The following RAB38 variants were observed in gnomAD, a reference collection of about 807,000 sequenced individuals.
RAB38 encodes RAB38, member RAS oncogene family.
RAB38 carries 15 observed loss-of-function variants against 18.4 expected under a neutral mutation model. The ratio of observed to expected loss-of-function variants is 0.82; its 90% confidence interval spans 0.55 to 1.26. RAB38 has a LOEUF of 1.26. RAB38 is among the 50% of genes most tolerant of loss of function. The pLI, the probability that RAB38 is intolerant of heterozygous loss-of-function variation, is 0.00. For missense variants in RAB38, 294 were observed against 267.4 expected, an observed-to-expected ratio of 1.10 and a Z score of -0.69; for synonymous variants, 101 against 104.4, an observed-to-expected ratio of 0.97 and a Z score of 0.20.
the RAB38 span, among the ~76,000 whole-genome samples, chr11:87,977,557 T>G: frequency 8.5e-6 from 1 of 118,312 alleles, no homozygotes; most frequent in African/African-American, 3.4e-5. Flanking sequence ...ATAATATAAT[T>G]ATATAATATA....
At chr11:87,827,740 G>C in the RAB38 span, among the ~76,000 whole-genome samples, 6 of 152,128 alleles carry the variant, frequency 3.9e-5, no homozygotes, top group Admixed American at 1.3e-4. Flanking sequence ...GAATTACATG[G>C]AGAACTTCAG....
At chr11:88,040,695 C>A in the RAB38 span, among the ~76,000 whole-genome samples, 1 of 150,208 alleles carries the variant, frequency 6.7e-6, no homozygotes, top group Non-Finnish European at 1.5e-5. Flanking sequence ...AGAGGGAGAC[C>A]CTGTCTCAAA....
chr11:87,831,557 A>G, the RAB38 span, among the ~76,000 whole-genome samples: 1 of 152,314 alleles, frequency 6.6e-6, no homozygotes, highest in Non-Finnish European at 1.5e-5. Flanking sequence ...AGCAAAGCCC[A>G]AAGGTAACAG....
downstream of RAB38, among the ~76,000 whole-genome samples, chr11:88,112,359 G>A (rs1942484688): frequency 2.6e-5 from 4 of 152,190 alleles, no homozygotes; most frequent in African/African-American, 9.7e-5. Context: ...ACTTCCTACT[G>A]AGGCAGGGCT....
chr11:88,151,641 G>T (rs550579454), intron 1 of RAB38, among the ~76,000 whole-genome samples: 1 of 152,262 alleles, frequency 6.6e-6, no homozygotes, highest in East Asian at 1.9e-4. Flanking sequence ...ATGTATCTAG[G>T]AAAATATAGG....
chr11:87,831,868 G>A, the RAB38 span, among the ~76,000 whole-genome samples: 3 of 152,174 alleles, frequency 2.0e-5, no homozygotes, highest in Non-Finnish European at 4.4e-5. Flanking sequence ...TAGATTCAGT[G>A]AGGCTCATTA....
At chr11:87,826,853 G>A in the RAB38 span, among the ~76,000 whole-genome samples, 3 of 152,030 alleles carry the variant, frequency 2.0e-5, no homozygotes, top group African/African-American at 7.2e-5. Context: ...CCAAGGCCTG[G>A]GTCATTAACC....
At chr11:87,959,042 A>C in the RAB38 span, among the ~76,000 whole-genome samples, 1 of 152,160 alleles carries the variant, frequency 6.6e-6, no homozygotes, top group Non-Finnish European at 1.5e-5. Flanking sequence ...GCTGTGCTTT[A>C]GGCTGTTGGC....
chr11:87,806,401 G>C, the RAB38 span, among the ~76,000 whole-genome samples: 1 of 152,030 alleles, frequency 6.6e-6, no homozygotes, highest in Non-Finnish European at 1.5e-5. Context: ...AGAGCTCCCT[G>C]AGGTCTCTTT....
chr11:88,124,667 C>T (rs1198397566), intron 2 of RAB38, among the ~76,000 whole-genome samples: 2 of 152,168 alleles, frequency 1.3e-5, no homozygotes, highest in Non-Finnish European at 2.9e-5. Context: ...CATTCTTAGC[C>T]TGCGCAACCT....
chr11:87,849,462 G>A, the RAB38 span, among the ~76,000 whole-genome samples: 1 of 152,126 alleles, frequency 6.6e-6, no homozygotes, highest in African/African-American at 2.4e-5. Flanking sequence ...AGAGCTTTTG[G>A]TGGGTATCTT....
At chr11:88,029,093 G>A in the RAB38 span, among the ~76,000 whole-genome samples, 2 of 151,900 alleles carry the variant, frequency 1.3e-5, no homozygotes, top group African/African-American at 4.8e-5. Context: ...TTAAAGAAAA[G>A]AATTTTCAAC....
chr11:88,161,687 G>T (rs1038933353), intron 1 of RAB38, among the ~76,000 whole-genome samples: 1 of 152,054 alleles, frequency 6.6e-6, no homozygotes, highest in Non-Finnish European at 1.5e-5. Flanking sequence ...GCATACTGAT[G>T]AACTTACTCT....
the RAB38 span, among the ~76,000 whole-genome samples, chr11:87,941,600 C>T: frequency 6.6e-6 from 1 of 151,968 alleles, no homozygotes. Context: ...CCAGAAAATA[C>T]TCAGCAAGTA....
the RAB38 span, among the ~76,000 whole-genome samples, chr11:87,875,128 A>G: frequency 2.0e-5 from 3 of 151,684 alleles, no homozygotes; most frequent in East Asian, 3.9e-4. Context: ...TCTAGTCAAT[A>G]ATAATGTATA....
chr11:87,804,394 A>G, the RAB38 span, among the ~76,000 whole-genome samples: 1 of 152,068 alleles, frequency 6.6e-6, no homozygotes, highest in African/African-American at 2.4e-5. Context: ...GCCTGCATAC[A>G]CTGACACCTG....
At chr11:87,811,895 G>A in the RAB38 span, among the ~76,000 whole-genome samples, 1 of 152,204 alleles carries the variant, frequency 6.6e-6, no homozygotes, top group Admixed American at 6.5e-5. Flanking sequence ...AAAATGAAAT[G>A]TGTACAATTT....
chr11:88,110,299 A>G (rs901699116), downstream of RAB38, among the ~76,000 whole-genome samples: 1 of 151,896 alleles, frequency 6.6e-6, no homozygotes, highest in Non-Finnish European at 1.5e-5. Context: ...GCATGTTCTC[A>G]CTCATAAGTG....
intron 2 of RAB38, among the ~76,000 whole-genome samples, chr11:88,118,568 T>A (rs1823152098): frequency 6.6e-6 from 1 of 152,198 alleles, no homozygotes; most frequent in Non-Finnish European, 1.5e-5. Flanking sequence ...AAATTTTCAT[T>A]TGCATTTATT....
Sources: allele counts gnomAD v4.1 joint callset (sites outside exome capture counted in the v4.1 genomes callset), GRCh38; gene constraint gnomAD v4.1.1; transcripts MANE v1.5; gene names NCBI Gene and HGNC (gene_info 2026-07-23, HGNC 2026-07-21).